The following SLC44A5 variants were observed in gnomAD, a reference collection of about 807,000 sequenced individuals.
SLC44A5 encodes solute carrier family 44 member 5, also known as choline transporter-like protein 5.
Under a neutral mutation model 101.8 loss-of-function variants are expected in SLC44A5, and 57 were observed. The observed-to-expected ratio is 0.56, with a 90% CI of 0.45 to 0.70. The LOEUF (loss-of-function observed/expected upper bound fraction) is 0.70. Among genes scored for constraint, SLC44A5 ranks in the 30% least tolerant of loss-of-function variants. SLC44A5 has a pLI of 0.00. For missense variants in SLC44A5, 737 were observed against 853.1 expected, an observed-to-expected ratio of 0.86 and a Z score of 1.70; for synonymous variants, 281 against 290.9, an observed-to-expected ratio of 0.97 and a Z score of 0.35.
chr1:75,306,600 G>A (rs892532745), intron 4 of SLC44A5, among the ~76,000 whole-genome samples: 3 of 151,856 alleles, frequency 2.0e-5, no homozygotes, highest in African/African-American at 7.3e-5. Flanking sequence ...GAGGTAATAA[G>A]AGAGTTTTGT....
chr1:75,638,088 G>A, the SLC44A5 span, among the ~76,000 whole-genome samples: 3 of 151,870 alleles, frequency 2.0e-5, no homozygotes, highest in African/African-American at 7.3e-5. Flanking sequence ...ACATTTACAT[G>A]GCAATTGTTG....
the SLC44A5 span, among the ~76,000 whole-genome samples, chr1:75,657,161 TAA>T: frequency 5.5e-4 from 82 of 150,356 alleles, no homozygotes; most frequent in South Asian, 2.1e-3. Flanking sequence ...AAAATAAAAA[TAA>T]AAGACATAGA....
intron 5 of SLC44A5, among the ~76,000 whole-genome samples, chr1:75,299,340 G>A (rs1275646046): frequency 2.0e-5 from 3 of 152,194 alleles, no homozygotes; most frequent in Admixed American, 6.5e-5. Context: ...CTAATTCTGT[G>A]TAGCTTTTGC....
intron 11 of SLC44A5, 46 bp from the exon 12 acceptor site, chr1:75,234,144 C>T (rs762784448): frequency 9.6e-6 from 13 of 1,347,182 alleles, no homozygotes; most frequent in Non-Finnish European, 1.4e-5. Flanking sequence ...GTGCTAAACA[C>T]AGCATATTAC....
intron 3 of SLC44A5, among the ~76,000 whole-genome samples, chr1:75,374,653 A>G (rs1299100844): frequency 6.6e-6 from 1 of 152,132 alleles, no homozygotes; most frequent in African/African-American, 2.4e-5. Flanking sequence ...ACTCTTAAGC[A>G]CTATCTACTG....
At chr1:75,247,378 G>C (rs2100629768) in intron 7 of SLC44A5, among the ~76,000 whole-genome samples, 1 of 152,222 alleles carries the variant, frequency 6.6e-6, no homozygotes, top group South Asian at 2.1e-4. Flanking sequence ...TAGGAATTCA[G>C]TTGTGGACAT....
intron 19 of SLC44A5, 38 bp from the exon 20 acceptor site, chr1:75,214,716 C>T (rs761244264): frequency 6.6e-7 from 1 of 1,510,060 alleles, no homozygotes; most frequent in Non-Finnish European, 9.1e-7. Flanking sequence ...GAGCCAGTAA[C>T]ATACTCTAAC....
At chr1:75,235,548 A>G (rs1448264296) in intron 11 of SLC44A5, among the ~76,000 whole-genome samples, 2 of 152,006 alleles carry the variant, frequency 1.3e-5, no homozygotes, top group Non-Finnish European at 2.9e-5. Flanking sequence ...ATAGACTACA[A>G]TCTCTGCTGG....
the SLC44A5 span, among the ~76,000 whole-genome samples, chr1:75,633,239 T>C: frequency 6.6e-6 from 1 of 152,192 alleles, no homozygotes; most frequent in Non-Finnish European, 1.5e-5. Context: ...TAAAGTAGTT[T>C]TTTCCAATTC....
At chr1:75,211,587 T>G in intron 22 of SLC44A5, 35 bp from the exon 23 acceptor site, 1 of 1,442,878 alleles carries the variant, frequency 6.9e-7, no homozygotes, top group Non-Finnish European at 9.7e-7. Context: ...CAACATGTCA[T>G]TTACTTTGAC....
chr1:75,550,389 G>C (rs1179481746), intron 1 of SLC44A5, among the ~76,000 whole-genome samples: 1 of 152,034 alleles, frequency 6.6e-6, no homozygotes, highest in Non-Finnish European at 1.5e-5. Context: ...AGGGGCTGGA[G>C]GATGGGCATG....
chr1:75,648,166 T>C, the SLC44A5 span, among the ~76,000 whole-genome samples: 1 of 152,134 alleles, frequency 6.6e-6, no homozygotes, highest in East Asian at 1.9e-4. Flanking sequence ...GAATGAGTTA[T>C]GAGATCTGAT....
chr1:75,282,103 G>T (rs190489471), intron 5 of SLC44A5, among the ~76,000 whole-genome samples: 1 of 152,326 alleles, frequency 6.6e-6, no homozygotes, highest in Non-Finnish European at 1.5e-5. Flanking sequence ...TGGAAAGGGG[G>T]CTGTACTCTG....
chr1:75,610,567 G>A (rs1045608418), intron 1 of SLC44A5, among the ~76,000 whole-genome samples: 3 of 152,122 alleles, frequency 2.0e-5, no homozygotes, highest in Non-Finnish European at 4.4e-5. Context: ...AAGCCATAGT[G>A]TATGTCTTTA....
intron 2 of SLC44A5, among the ~76,000 whole-genome samples, chr1:75,516,558 A>G (rs1276588853): frequency 2.0e-5 from 3 of 152,094 alleles, no homozygotes; most frequent in Non-Finnish European, 2.9e-5. Flanking sequence ...CTACACTCAG[A>G]CTGTGGATTA....
rs140850471 is a variant in SLC44A5 at position 75,301,531 on chromosome 1, G to C, written c.102-846C>G. Among the ~76,000 whole-genome samples, 171 of 152,264 alleles carry C rather than the reference G, an allele frequency of 1.1e-3. 1 individual carries two copies. Among genetic ancestry groups the C allele is most frequent in the South Asian group, 7.5e-3 (36 of 4,826 alleles). ...AGCTCATTTGACAGAATTAAAAGTT[G>C]CACATGAGAATTTTCATAGTAAAAG... On this transcript the variant is annotated intron_variant, in intron 4 of 23. Coordinates refer to ENST00000370859, the MANE Select transcript of SLC44A5 (RefSeq NM_001130058.2).
chr1:75,578,287 T>C (rs1277700809), intron 1 of SLC44A5, among the ~76,000 whole-genome samples: 1 of 152,098 alleles, frequency 6.6e-6, no homozygotes, highest in Non-Finnish European at 1.5e-5. Flanking sequence ...GTTAAAATAA[T>C]TTCACTCAAG....
chr1:75,219,317 T>C lies in SLC44A5; in HGVS notation c.1206A>G (p.Val402=), dbSNP rs1317034930. ...AVFLATSGVP[V]YKVIAPGGHC... is the part of the protein sequence containing the mutation. ...GCCCCCCTGGAGCTATGACTTTGTA[T>C]ACAGGTACCCCCGATGTCGCCAAGA... Residue 402 remains valine (V), a synonymous_variant, in exon 16 of 24, where the codon GTA becomes GTG. Transcript: ENST00000370859. 2.2e-5 allele frequency: 35 copies of C among 1,613,232 alleles called. No homozygotes were observed. The highest frequency in any genetic ancestry group is 2.9e-5 in the Non-Finnish European group (34 of 1,179,292).
At chr1:75,710,114 G>A in the SLC44A5 span, 1 of 152,216 alleles carries the variant, frequency 6.6e-6, no homozygotes, top group African/African-American at 2.4e-5. Flanking sequence ...TAAAAAAGGG[G>A]CATGAGGAAA....
Sources: allele counts gnomAD v4.1 joint callset (sites outside exome capture counted in the v4.1 genomes callset), GRCh38; gene constraint gnomAD v4.1.1; transcripts MANE v1.5; gene names NCBI Gene and HGNC (gene_info 2026-07-23, HGNC 2026-07-21).